Variants in AP1B1 observed in about 807,000 individuals in gnomAD.
The protein encoded by AP1B1 is adaptor related protein complex 1 subunit beta 1.
A neutral mutation model predicts 104.3 loss-of-function variants in AP1B1; 36 were observed. The ratio of observed to expected loss-of-function variants is 0.35; its 90% CI spans 0.26 to 0.46. The LOEUF (loss-of-function observed/expected upper bound fraction) is 0.46, where lower values mean the gene tolerates loss of function less well. Among genes scored for constraint, AP1B1 ranks in the 20% least tolerant of loss-of-function variants. AP1B1 has a pLI of 1.00. For missense variants in AP1B1, 901 were observed against 1,247.9 expected (o/e 0.72, Z 4.19); for synonymous variants, 504 against 517.5 (o/e 0.97, Z 0.35).
intron 15 of AP1B1, among the ~76,000 whole-genome samples, chr22:29,339,511 C>G (rs1429052056): frequency 6.6e-6 from 1 of 152,016 alleles, no homozygotes; most frequent in Non-Finnish European, 1.5e-5. Context: ...TGGCAATCCC[C>G]GCGATGACAA....
Position 29,334,374 on chromosome 22 carries a change from T to C in AP1B1, c.2200A>G (p.Ile734Val). ...ACCTGGCGGGTGAAGGTGCCTGAGA[T>C]CTCCAGCCCCTTAGCCTTCATGGCT... ...LPAMKAKGLE[I>V]SGTFTRQVGS... Residue 734 changes from isoleucine to valine, a missense_variant, in exon 17 of 23, where the codon ATC (isoleucine) becomes GTC (valine). Physicochemically the swap from Ile to Val is conservative, Grantham distance 29 (BLOSUM62 3). Around this residue, in one of 3 missense-constraint regions of AP1B1, gnomAD observed 424 missense variants for 494.0 expected, o/e 0.86. Coordinates refer to ENST00000357586, the MANE Select transcript of AP1B1 (RefSeq NM_001127.4). The C allele has an allele frequency of 6.2e-7, 1 of 1,610,380 alleles. No homozygotes were observed.
At position 29,329,733 on chromosome 22, in the gene AP1B1, A is replaced by T. The variant is rs1244766180; in HGVS notation, c.2767-13T>A. 1 of 1,613,628 alleles carries T rather than the reference A, an allele frequency of 6.2e-7. No individual in the cohort carries two copies. The highest frequency in any genetic ancestry group is 1.1e-5 in the South Asian group (1 of 91,034). On this transcript the variant is annotated splice_polypyrimidine_tract_variant and intron_variant, in intron 21 of 22. Transcript: ENST00000357586. ...TAACCTCTAAGTCCTGCACCACGGG[A>T]ACCAGCAGGGAAGGTGACATGCAGC... is the stretch of plus-strand genomic sequence containing the variant.
intron 17 of AP1B1, 182 bp from the exon 18 acceptor site, chr22:29,332,098 A>T (rs2061570551): frequency 3.4e-6 from 2 of 590,812 alleles, no homozygotes; most frequent in Non-Finnish European, 5.7e-6. Flanking sequence ...CCAGATGGCC[A>T]TCTGGACAGA....
chr22:29,342,738 G>T (rs1240980029), intron 11 of AP1B1, among the ~76,000 whole-genome samples: 2 of 152,300 alleles, frequency 1.3e-5, no homozygotes, highest in East Asian at 3.9e-4. Flanking sequence ...TTCTTATCAG[G>T]ACCATCTGTC....
chr22:29,381,005 A>G (rs1006210913), intron 1 of AP1B1, among the ~76,000 whole-genome samples: 2 of 152,048 alleles, frequency 1.3e-5, no homozygotes, highest in Non-Finnish European at 2.9e-5. Context: ...TCTTCTCCCC[A>G]TCATTCCCTC....
At chr22:29,364,048 A>G (rs922252108) in intron 2 of AP1B1, among the ~76,000 whole-genome samples, 3 of 152,250 alleles carry the variant, frequency 2.0e-5, no homozygotes, top group African/African-American at 7.2e-5. Flanking sequence ...AGCTGTCCTC[A>G]GCTACCCTCA....
At position 29,341,575 on chromosome 22, in the gene AP1B1, G is replaced by A; in HGVS notation, c.1722C>T (p.Tyr574=). 1 of 1,614,228 alleles carries A rather than the reference G, an allele frequency of 6.2e-7. No homozygotes were observed. The highest frequency in any genetic ancestry group is 8.5e-7 in the Non-Finnish European group (1 of 1,180,036). ...ICYIGTLASV[Y]HKPPSAFVEG... ...CCACAAAGGCACTGGGAGGCTTATG[G>A]TAGACGGAAGCCAGCGTGCCGATGT... Residue 574 remains tyrosine (Y), a synonymous_variant, in exon 13 of 23, where the codon TAC becomes TAT. Transcript: ENST00000357586.
intron 7 of AP1B1, among the ~76,000 whole-genome samples, chr22:29,352,383 T>C (rs1054213279): frequency 6.6e-6 from 1 of 152,206 alleles, no homozygotes; most frequent in African/African-American, 2.4e-5. Context: ...ATATGGAATT[T>C]GTGTAGGTGC....
At chr22:29,383,773 G>A (rs1207940962) in intron 1 of AP1B1, among the ~76,000 whole-genome samples, 1 of 152,002 alleles carries the variant, frequency 6.6e-6, no homozygotes, top group Non-Finnish European at 1.5e-5. Flanking sequence ...GGTAGACTGT[G>A]GTAATTGGTG....
chr22:29,335,089 G>A (rs2061619072), intron 16 of AP1B1, among the ~76,000 whole-genome samples: 1 of 152,188 alleles, frequency 6.6e-6, no homozygotes, highest in East Asian at 1.9e-4. Context: ...TGTACTCAGA[G>A]AGCTCGCTGA....
chr22:29,379,696 G>C (rs2062407012), intron 1 of AP1B1, among the ~76,000 whole-genome samples: 1 of 152,174 alleles, frequency 6.6e-6, no homozygotes, highest in Non-Finnish European at 1.5e-5. Context: ...AGCAGCAAGG[G>C]AAGTTCTCTT....
intron 1 of AP1B1, among the ~76,000 whole-genome samples, chr22:29,378,703 CA>C (rs1354697308): frequency 2.7e-5 from 4 of 150,474 alleles, no homozygotes; most frequent in Admixed American, 1.3e-4. Flanking sequence ...ACTAAAAATA[CA>C]AAAAATTAGC....
chr22:29,364,545 G>T (rs981333522), intron 2 of AP1B1, among the ~76,000 whole-genome samples: 1 of 151,590 alleles, frequency 6.6e-6, no homozygotes, highest in African/African-American at 2.4e-5. Context: ...CAGCATACCG[G>T]GTAGCTGGGA....
chr22:29,372,665 C>T (rs191127429), intron 1 of AP1B1, among the ~76,000 whole-genome samples: 107 of 152,098 alleles, frequency 7.0e-4, no homozygotes, highest in Middle Eastern at 3.4e-3. Context: ...TGGTTTTTAG[C>T]TGCTGAAGTT....
At chr22:29,352,913 T>C (rs760739064) in intron 7 of AP1B1, among the ~76,000 whole-genome samples, 2 of 152,210 alleles carry the variant, frequency 1.3e-5, no homozygotes, top group Non-Finnish European at 2.9e-5. Context: ...GCATGATCGA[T>C]GCCTGCCTCA....
intron 9 of AP1B1, 125 bp downstream of exon 9, chr22:29,351,046 C>G (rs1456151630): frequency 5.7e-6 from 5 of 873,324 alleles, no homozygotes; most frequent in Non-Finnish European, 7.2e-6. Context: ...ATGGGGGCTC[C>G]AGTGATGAGC....
In AP1B1 at chr22:29,328,927, C is replaced by A. The variant is rs148296192; in HGVS notation, c.2776-32G>T. On this transcript the variant is annotated intron_variant, in intron 22 of 22. Coordinates refer to ENST00000357586, the MANE Select transcript of AP1B1 (RefSeq NM_001127.4). This position sits in a 1 kb window ranked among gnomAD's most constrained non-coding sequence, Gnocchi z 4.1. ...GGGAGAGAGGGGTCGGGGGAAAGAG[C>A]GCTCATCCCTGGGGTTCCTCTCAGG... 1.2e-3 allele frequency: 1,903 copies of A among 1,594,106 alleles called. 31 individuals carry two copies. In the East Asian group the frequency reaches 0.036, roughly 30 times the overall value.
At chr22:29,342,228 G>T in intron 12 of AP1B1, 57 bp downstream of exon 12, 1 of 1,442,140 alleles carries the variant, frequency 6.9e-7, no homozygotes, top group Non-Finnish European at 9.6e-7. Context: ...TGGGACAAAA[G>T]TTCCCCTGCT....
chr22:29,357,306 G>A (rs1393586844), intron 5 of AP1B1, among the ~76,000 whole-genome samples: 1 of 152,036 alleles, frequency 6.6e-6, no homozygotes, highest in Non-Finnish European at 1.5e-5. Context: ...GACCTCAGGT[G>A]ATCCTCCCAC....
Sources: allele counts gnomAD v4.1 joint callset (sites outside exome capture counted in the v4.1 genomes callset), GRCh38; gene constraint gnomAD v4.1.1; regional missense constraint gnomAD v4.1.1; non-coding constraint Gnocchi (gnomAD v3.1); transcripts MANE v1.5; gene names NCBI Gene and HGNC (gene_info 2026-07-23, HGNC 2026-07-21).